Variants in UNC80 observed in about 807,000 individuals in gnomAD.
UNC80 encodes the protein protein unc-80 homolog.
UNC80 carries 164 observed loss-of-function variants against 384.6 expected under a neutral mutation model. That is an observed-to-expected ratio of 0.43 (90% CI 0.38 to 0.49). The LOEUF (loss-of-function observed/expected upper bound fraction) is 0.49. Ranked by LOEUF, UNC80 falls within the 20% of genes least tolerant of loss-of-function variation. The probability of loss-of-function intolerance (pLI) is 0.00; values close to 1 mark genes in which losing one functional copy is unlikely to be tolerated. For synonymous variants in UNC80, 1,486 were observed against 1,527.8 expected (o/e 0.97, Z 0.64); for missense variants, 3,330 against 4,143.0 (o/e 0.80, Z 5.39).
chr2:209,978,976 C>CG (rs2093083983), intron 59 of UNC80, among the ~76,000 whole-genome samples: 1 of 152,194 alleles, frequency 6.6e-6, no homozygotes, highest in South Asian at 2.1e-4. Context: ...TGGCTGGGCA[C>CG]GGTGGCTCAT....
Position 209,817,019 on chromosome 2 carries a change from C to T in UNC80, c.1446C>T (p.His482=). ...TGCCCTTCCTGCTTCACGAGGACCA[C>T]CTGGATGTGTCCCCCACGCGCAGCA... The part of the protein sequence containing the change: ...MGVPFLLHED[H]LDVSPTRSTF... Residue 482 remains histidine (H), a synonymous_variant, in exon 10 of 65, where the codon CAC becomes CAT. Transcript: ENST00000673920. 2 of 1,551,738 alleles carry T rather than the reference C, an allele frequency of 1.3e-6. No homozygotes were observed. Among genetic ancestry groups the T allele is most frequent in the East Asian group, 2.4e-5 (1 of 40,916 alleles).
At position 209,787,018 on chromosome 2, in the gene UNC80, T is replaced by C. The variant is rs866637249; in HGVS notation, c.724+829T>C. Among the ~76,000 whole-genome samples, 765 of 128,550 alleles carry C rather than the reference T, an allele frequency of 6.0e-3. 13 individuals carry two copies. Among genetic ancestry groups the C allele is most frequent in the African/African-American group, 0.021 (703 of 33,468 alleles). The allele number at this position is 128,550 out of a possible 152,430, so 84.3% of individuals were successfully genotyped here. A position where few individuals can be genotyped will look rare whatever the true frequency, so the allele number is the denominator to read the frequency against. The stretch of plus-strand genomic sequence containing the variant: ...ATATATATATATATATATATATATA[T>C]ACCTATATATTTTTAAAATACACCA... On this transcript the variant is annotated intron_variant, in intron 5 of 64. Transcript: ENST00000673920.
Position 209,941,373 on chromosome 2 carries a change from C to T in UNC80, c.6799C>T (p.Pro2267Ser). 1 of 1,551,344 alleles carries T rather than the reference C, an allele frequency of 6.4e-7. No individual in the cohort carries two copies. The highest frequency in any genetic ancestry group is 8.7e-7 in the Non-Finnish European group (1 of 1,146,758). ...NVFNGALILH[P>S]EDSALLRQYA... The stretch of plus-strand genomic sequence containing the variant: ...TTTTAACGGGGCTCTGATCCTCCAC[C>T]CGGAAGACAGTGCCCTGCTCAGGCA... Residue 2267 changes from proline (P) to serine (S), a missense_variant, in exon 44 of 65, where the codon CCG becomes TCG. This residue lies in a region of UNC80 where 1,049 missense variants were observed against 1,488.6 expected (regional missense o/e 0.70). Transcript: ENST00000673920.
At chr2:209,800,900 A>G (rs1410937140) in intron 7 of UNC80, among the ~76,000 whole-genome samples, 5 of 152,198 alleles carry the variant, frequency 3.3e-5, no homozygotes, top group African/African-American at 1.2e-4. Context: ...TAATTTGATT[A>G]CACTGTGGTC....
At chr2:209,984,982 CTCTCTGTCT>C in intron 61 of UNC80, 70 bp downstream of exon 61, 1 of 1,340,090 alleles carries the variant, frequency 7.5e-7, no homozygotes, top group Non-Finnish European at 1.0e-6. Flanking sequence ...TCTCCTCTGT[CTCTCTGTCT>C]TCTCTGTCTC....
chr2:209,827,201 T>C (rs1009027957), intron 14 of UNC80, among the ~76,000 whole-genome samples: 6 of 152,128 alleles, frequency 3.9e-5, no homozygotes, highest in African/African-American at 1.4e-4. Flanking sequence ...CCCCCATCTT[T>C]GCACATGTGT....
At chr2:209,921,788 C>A in intron 34 of UNC80, 102 bp downstream of exon 34, 1 of 1,270,064 alleles carries the variant, frequency 7.9e-7, no homozygotes, top group South Asian at 1.7e-5. Flanking sequence ...GTGATATGCC[C>A]CCTTCCATCT....
At chr2:209,775,139 C>T (rs1574391209) in intron 2 of UNC80, among the ~76,000 whole-genome samples, 1 of 152,136 alleles carries the variant, frequency 6.6e-6, no homozygotes, top group Non-Finnish European at 1.5e-5. Context: ...TCTCTCCTCC[C>T]TCAAAAGAAA....
chr2:209,813,898 T>G, intron 8 of UNC80, 57 bp downstream of exon 8: 1 of 1,522,892 alleles, frequency 6.6e-7, no homozygotes, highest in Middle Eastern at 1.7e-4. Context: ...TAATGGATTC[T>G]TTTTTTCTCT....
intron 61 of UNC80, among the ~76,000 whole-genome samples, chr2:209,987,483 T>C (rs1474129785): frequency 6.6e-6 from 1 of 152,196 alleles, no homozygotes; most frequent in East Asian, 1.9e-4. Context: ...AGAAATTCAT[T>C]GTAGATGTTC....
intron 4 of UNC80, 69 bp from the exon 5 acceptor site, chr2:209,785,997 C>A: frequency 6.5e-7 from 1 of 1,527,246 alleles, no homozygotes. Context: ...TTAATCCTTG[C>A]ATTGATTGGT....
intron 35 of UNC80, among the ~76,000 whole-genome samples, chr2:209,923,673 T>G (rs2090215300): frequency 6.6e-6 from 1 of 152,184 alleles, no homozygotes. Context: ...ATGCTCTGTT[T>G]TGCCTGTGGT....
Position 209,938,153 on chromosome 2 carries a change from G to C in UNC80, c.6465+523G>C, listed in dbSNP as rs576907102. On this transcript the variant is annotated intron_variant, in intron 42 of 64. Coordinates refer to ENST00000673920, the MANE Select transcript of UNC80 (RefSeq NM_001371986.1). ...TTCTCTTGAAACAGGAAGAGATATA[G>C]TCTAGCAGCTGTACTTAGGTTTAAG... Among the ~76,000 whole-genome samples the C allele has an allele frequency of 1.6e-4, 25 of 152,272 alleles. 4 individuals are homozygous for C. The South Asian group carries it at 4.6e-3, about 28-fold the overall frequency.
At position 209,806,408 on chromosome 2, in the gene UNC80, A is replaced by C. The variant is rs191196383; in HGVS notation, c.939-7172A>C. ...GTCAATACTCAAGCTCTCTCTCTAT[A>C]TATATATTTATATGCATTCCCTGAC... On this transcript the variant is annotated intron_variant, in intron 7 of 64. Coordinates refer to ENST00000673920, the MANE Select transcript of UNC80 (RefSeq NM_001371986.1). Among the ~76,000 whole-genome samples, 74 of 152,240 alleles carry C rather than the reference A, an allele frequency of 4.9e-4. 1 individual carries two copies. The highest frequency in any genetic ancestry group is 1.2e-3 in the Admixed American group (18 of 15,288).
intron 6 of UNC80, among the ~76,000 whole-genome samples, chr2:209,791,606 G>A (rs908641190): frequency 1.1e-4 from 16 of 151,828 alleles, no homozygotes; most frequent in African/African-American, 3.9e-4. Flanking sequence ...AGATCACAAG[G>A]TCAGGAGATC....
chr2:209,909,146 G>A (rs1441367071), intron 29 of UNC80, among the ~76,000 whole-genome samples: 1 of 152,100 alleles, frequency 6.6e-6, no homozygotes, highest in Non-Finnish European at 1.5e-5. Context: ...TTCTCTAGGA[G>A]TGCAGGCACC....
Position 209,777,511 on chromosome 2 carries a change from T to A in UNC80, c.552T>A (p.Thr184=). 3 of 1,614,010 alleles carry A rather than the reference T, an allele frequency of 1.9e-6. No individual in the cohort carries two copies. Among genetic ancestry groups the A allele is most frequent in the Non-Finnish European group, 2.5e-6 (3 of 1,179,922 alleles). ...AGATCTTCCAGAACTCCATGGCTAC[T>A]GTGGAGCTCTTCGTGTTTCTGTTTG... ...RRKIFQNSMA[T]VELFVFLFAP... is the part of the protein sequence containing the mutation. The change falls in exon 4 of 65, where the codon ACT becomes ACA. Residue 184 remains threonine, a synonymous_variant. Coordinates refer to ENST00000673920, the MANE Select transcript of UNC80 (RefSeq NM_001371986.1).
intron 22 of UNC80, among the ~76,000 whole-genome samples, chr2:209,860,262 C>G (rs904724638): frequency 6.6e-6 from 1 of 152,134 alleles, no homozygotes; most frequent in African/African-American, 2.4e-5. Context: ...AGCCAGTATT[C>G]CCAGCACCAT....
intron 25 of UNC80, among the ~76,000 whole-genome samples, chr2:209,884,813 C>A (rs1055477206): frequency 5.9e-5 from 9 of 151,968 alleles, no homozygotes; most frequent in Admixed American, 2.0e-4. Context: ...AACCAAACAC[C>A]GCATGTTCTC....
Sources: gnomAD v4.1 joint callset for allele counts (sites outside exome capture counted in the v4.1 genomes callset) on GRCh38, gnomAD v4.1.1 for gene constraint, gnomAD v4.1.1 regional missense constraint, MANE v1.5 for transcripts, NCBI Gene and HGNC (gene_info 2026-07-23, HGNC 2026-07-21) for gene names.